Variants in DPYD observed in about 807,000 individuals in gnomAD.
DPYD encodes the protein dihydropyrimidine dehydrogenase [NADP(+)].
DPYD carries 109 observed loss-of-function variants against 116.2 expected under a neutral mutation model. That is an observed-to-expected ratio of 0.94 (90% confidence interval 0.80 to 1.10). The LOEUF is 1.10. Among genes scored for constraint, DPYD ranks in the 50% least tolerant of loss-of-function variants. The pLI is 0.00. For missense variants in DPYD, 1,302 were observed against 1,254.5 expected (o/e 1.04, Z -0.57); for synonymous variants, 440 against 432.0 (o/e 1.02, Z -0.23).
chr1:97,217,159 G>A (rs1308036471), intron 19 of DPYD, among the ~76,000 whole-genome samples: 1 of 152,158 alleles, frequency 6.6e-6, no homozygotes, highest in Non-Finnish European at 1.5e-5. Context: ...AGTGAGCCGA[G>A]ATCATGCCAC....
chr1:97,604,091 T>C (rs1655426862), intron 8 of DPYD, among the ~76,000 whole-genome samples: 2 of 152,132 alleles, frequency 1.3e-5, no homozygotes, highest in African/African-American at 4.8e-5. Flanking sequence ...GCAAACGCGC[T>C]TGTGACTCTC....
intron 14 of DPYD, among the ~76,000 whole-genome samples, chr1:97,382,692 C>T (rs148432032): frequency 3.2e-4 from 48 of 152,236 alleles, no homozygotes; most frequent in African/African-American, 1.1e-3. Flanking sequence ...TCTGTGAACA[C>T]TTGGGCAAGT....
chr1:97,804,933 T>G (rs142046193), intron 3 of DPYD, among the ~76,000 whole-genome samples: 13 of 151,890 alleles, frequency 8.6e-5, no homozygotes, highest in African/African-American at 2.9e-4. Context: ...AATTCTATTA[T>G]GGTTTTATAA....
intron 20 of DPYD, among the ~76,000 whole-genome samples, chr1:97,109,565 A>G (rs963581854): frequency 5.3e-5 from 8 of 152,158 alleles, no homozygotes; most frequent in African/African-American, 1.9e-4. Context: ...GTAAAAAAGC[A>G]TACAGGATTC....
intron 16 of DPYD, among the ~76,000 whole-genome samples, chr1:97,316,345 A>G (rs1381083110): frequency 6.6e-6 from 1 of 150,458 alleles, no homozygotes; most frequent in Admixed American, 6.6e-5. Flanking sequence ...AAAAAAAGAA[A>G]AAAAAAAACA....
chr1:97,599,391 T>C (rs969515915), intron 8 of DPYD, among the ~76,000 whole-genome samples: 4 of 152,118 alleles, frequency 2.6e-5, no homozygotes, highest in African/African-American at 9.7e-5. Flanking sequence ...TATTAGATGT[T>C]CTGTTACATA....
At chr1:97,225,003 GTCTATCTATCTATCTATCTATCTATCTA>G (rs3050227) in intron 19 of DPYD, among the ~76,000 whole-genome samples, 4 of 127,158 alleles carry the variant, frequency 3.1e-5, no homozygotes, top group Non-Finnish European at 6.6e-5. Flanking sequence ...CTGTCTGTCT[GTCTATCTATCTATCTATCTATCTATCTA>G]TCTATCTATC....
At chr1:97,086,755 TA>T (rs5776345) in intron 21 of DPYD, among the ~76,000 whole-genome samples, 151,543 of 151,952 alleles carry the variant, frequency 1, 75,569 homozygotes, top group Non-Finnish European at 1. Flanking sequence ...CATTGTAAAA[TA>T]AAAAAAAAAT....
At chr1:97,520,085 T>C (rs1035518455) in intron 12 of DPYD, among the ~76,000 whole-genome samples, 4 of 152,220 alleles carry the variant, frequency 2.6e-5, no homozygotes, top group African/African-American at 9.6e-5. Flanking sequence ...TTTTATAACA[T>C]AGTGCCAATA....
intron 15 of DPYD, among the ~76,000 whole-genome samples, chr1:97,379,648 C>T (rs758416848): frequency 2.0e-5 from 3 of 152,178 alleles, no homozygotes; most frequent in Non-Finnish European, 2.9e-5. Context: ...TCTGGCCTTC[C>T]CCTACAATTC....
intron 19 of DPYD, among the ~76,000 whole-genome samples, chr1:97,199,872 G>A (rs1158921758): frequency 6.6e-6 from 1 of 152,118 alleles, no homozygotes; most frequent in Non-Finnish European, 1.5e-5. Flanking sequence ...AAACCTCATA[G>A]GTATTGTAGA....
rs1215356009 is a variant in DPYD at position 97,782,187 on chromosome 1, TA to T, written c.234-41709del. Among the ~76,000 whole-genome samples the T allele has an allele frequency of 5.3e-5, 8 of 152,330 alleles. No homozygotes were observed. The East Asian group carries it at 1.5e-3, about 29-fold the overall frequency. On this transcript the variant is annotated intron_variant, in intron 3 of 22. Coordinates refer to ENST00000370192, the MANE Select transcript of DPYD (RefSeq NM_000110.4). The stretch of plus-strand genomic sequence containing the variant: ...CCTCTCACACTAATAGATACATGAT[TA>T]AACCACTGCAAACAAAGGTCTGTGG...
chr1:97,846,277 T>C (rs1201036473), intron 2 of DPYD, among the ~76,000 whole-genome samples: 1 of 152,086 alleles, frequency 6.6e-6, no homozygotes. Context: ...GCTCTATGCA[T>C]CTCCTCCAAT....
At chr1:97,756,521 G>A (rs1235087443) in intron 3 of DPYD, among the ~76,000 whole-genome samples, 3 of 152,082 alleles carry the variant, frequency 2.0e-5, no homozygotes. Context: ...TAAACAGAAA[G>A]AAGAAGAGAA....
At chr1:97,719,546 G>A (rs1662807530) in intron 5 of DPYD, among the ~76,000 whole-genome samples, 1 of 151,846 alleles carries the variant, frequency 6.6e-6, no homozygotes, top group Non-Finnish European at 1.5e-5. Flanking sequence ...CATGTCAATA[G>A]TAGTTTGAAA....
intron 22 of DPYD, among the ~76,000 whole-genome samples, chr1:97,079,428 T>C (rs1268948470): frequency 6.6e-6 from 1 of 152,170 alleles, no homozygotes; most frequent in Non-Finnish European, 1.5e-5. Context: ...CTCTCTAGTT[T>C]TCTTTGTTCT....
intron 2 of DPYD, among the ~76,000 whole-genome samples, chr1:97,882,015 T>C (rs992728491): frequency 1.3e-5 from 2 of 150,616 alleles, no homozygotes; most frequent in Non-Finnish European, 3.0e-5. Flanking sequence ...ATAATAATAA[T>C]AAAAAAAAGA....
intron 20 of DPYD, among the ~76,000 whole-genome samples, chr1:97,148,487 T>C (rs1654793388): frequency 6.6e-6 from 1 of 152,190 alleles, no homozygotes; most frequent in Admixed American, 6.5e-5. Context: ...ACTCTGATGA[T>C]GAATACTAAG....
intron 20 of DPYD, among the ~76,000 whole-genome samples, chr1:97,136,443 T>G (rs1032709227): frequency 6.6e-6 from 1 of 152,226 alleles, no homozygotes; most frequent in Admixed American, 6.5e-5. Flanking sequence ...TCCTACACTG[T>G]GTGGACTGCC....
Sources: allele counts gnomAD v4.1 joint callset (sites outside exome capture counted in the v4.1 genomes callset), GRCh38; gene constraint gnomAD v4.1.1; transcripts MANE v1.5; gene names NCBI Gene and HGNC (gene_info 2026-07-23, HGNC 2026-07-21).